The following ANK1 variants were observed in gnomAD, a reference collection of about 807,000 sequenced individuals.
ANK1 encodes ankyrin-1.
Under a neutral mutation model 210.4 loss-of-function variants are expected in ANK1, and 51 were observed. The ratio of observed to expected loss-of-function variants is 0.24; its 90% CI spans 0.19 to 0.31. The LOEUF (loss-of-function observed/expected upper bound fraction) is 0.31, where lower values mean the gene tolerates loss of function less well. Ranked by LOEUF, ANK1 falls within the 10% of genes least tolerant of loss-of-function variation. ANK1 has a pLI of 1.00. For synonymous variants in ANK1, 967 were observed against 1,025.9 expected, an observed-to-expected ratio of 0.94 and a Z score of 1.10; for missense variants, 2,051 against 2,504.4, an observed-to-expected ratio of 0.82 and a Z score of 3.86.
At chr8:41,887,623 CACATGACAA>C (rs1465506687) in intron 1 of ANK1, among the ~76,000 whole-genome samples, 1 of 152,156 alleles carries the variant, frequency 6.6e-6, no homozygotes, top group African/African-American at 2.4e-5. Flanking sequence ...CCCGGAAACA[CACATGACAA>C]AGATGACCAC....
intron 2 of ANK1, among the ~76,000 whole-genome samples, chr8:41,748,130 TA>T (rs1275273571): frequency 5.9e-5 from 9 of 152,172 alleles, no homozygotes; most frequent in African/African-American, 2.2e-4. Flanking sequence ...GTGCCAGGCA[TA>T]GGGGCACCTA....
At chr8:41,754,419 C>A (rs1838561758) in intron 2 of ANK1, among the ~76,000 whole-genome samples, 1 of 152,196 alleles carries the variant, frequency 6.6e-6, no homozygotes, top group African/African-American at 2.4e-5. Context: ...ATTCAGACAT[C>A]TCTTATATAA....
intron 33 of ANK1, among the ~76,000 whole-genome samples, chr8:41,689,124 C>CT (rs770050874): frequency 4.6e-5 from 7 of 151,436 alleles, no homozygotes; most frequent in Admixed American, 1.3e-4. Flanking sequence ...TTCTCTCTCT[C>CT]TTTTTTTTTA....
At chr8:41,708,383 T>G (rs577147315) in intron 17 of ANK1, among the ~76,000 whole-genome samples, 2 of 152,314 alleles carry the variant, frequency 1.3e-5, no homozygotes, top group African/African-American at 4.8e-5. Flanking sequence ...TATAGGTCAG[T>G]GTTTTTAAAA....
rs141792052 is a variant in ANK1 at position 41,726,290 on chromosome 8, G to A, written c.427-344C>T. On this transcript the variant is annotated intron_variant, in intron 5 of 42. Coordinates refer to ENST00000289734, the MANE Select transcript of ANK1 (RefSeq NM_000037.4). ...GCTCTCTTTCTCACCCCATCTGCTG[G>A]TACCAGGATAGTGCCTTGACAAGGC... is the stretch of plus-strand genomic sequence containing the variant. Among the ~76,000 whole-genome samples the A allele has an allele frequency of 1.8e-3, 269 of 152,214 alleles. 1 individual carries two copies. Among genetic ancestry groups the A allele is most frequent in the Non-Finnish European group, 2.9e-3 (200 of 67,996 alleles).
chr8:41,668,134 GCAC>G, intron 39 of ANK1, 130 bp downstream of exon 39: 1 of 1,301,072 alleles, frequency 7.7e-7, no homozygotes, highest in Admixed American at 1.8e-5. Flanking sequence ...AGAAACGGAA[GCAC>G]CACCACAAGT....
chr8:41,663,792 G>T, intron 39 of ANK1, 50 bp from the exon 40 acceptor site: 1 of 1,455,300 alleles, frequency 6.9e-7, no homozygotes, highest in Non-Finnish European at 9.7e-7. Context: ...TGGGAGTCTG[G>T]GAGGAAGGGT....
chr8:41,860,436 G>A (rs1813069248), intron 1 of ANK1, among the ~76,000 whole-genome samples: 1 of 152,118 alleles, frequency 6.6e-6, no homozygotes, highest in African/African-American at 2.4e-5. Flanking sequence ...TAACATCCTT[G>A]GTAAACACAC....
At chr8:41,683,082 ACACACACACATG>A (rs1404470528) in intron 37 of ANK1, among the ~76,000 whole-genome samples, 2 of 152,092 alleles carry the variant, frequency 1.3e-5, no homozygotes, top group African/African-American at 4.8e-5. Flanking sequence ...ACACGTGCAC[ACACACACACATG>A]CACGCACACA....
intron 26 of ANK1, 36 bp from the exon 27 acceptor site, chr8:41,695,367 C>T: frequency 6.2e-7 from 1 of 1,613,062 alleles, no homozygotes; most frequent in Non-Finnish European, 8.5e-7. Flanking sequence ...GGGAGGTGCT[C>T]ATACAAGGCA....
At chr8:41,664,628 G>T (rs923234016) in intron 39 of ANK1, among the ~76,000 whole-genome samples, 1 of 152,076 alleles carries the variant, frequency 6.6e-6, no homozygotes, top group Non-Finnish European at 1.5e-5. Flanking sequence ...GGCAGGTTCT[G>T]GTGGGCGCAC....
Position 41,836,807 on chromosome 8 carries a change from C to A in ANK1, c.126+59548G>T, listed in dbSNP as rs760805169. 2.2e-4 allele frequency among the ~76,000 whole-genome samples: 33 copies of A among 152,062 alleles called. 1 individual carries two copies. Among genetic ancestry groups the A allele is most frequent in the Admixed American group, 1.2e-3 (18 of 15,276 alleles). Reference sequence around the variant, plus strand: ...TAGTGGCACACACCTGTAATCCCAGCCACTCAAGAGGCTGAGGCAGGAGGA... The same window carrying A: ...TAGTGGCACACACCTGTAATCCCAGACACTCAAGAGGCTGAGGCAGGAGGA... On this transcript the variant is annotated intron_variant, in intron 1 of 42. Transcript: ENST00000265709.
At chr8:41,776,883 G>A (rs768028414) in intron 1 of ANK1, among the ~76,000 whole-genome samples, 3 of 152,146 alleles carry the variant, frequency 2.0e-5, no homozygotes, top group Non-Finnish European at 2.9e-5. Flanking sequence ...GTCAGCCCTC[G>A]ACTTCCTAGT....
chr8:41,800,220 A>G (rs1271029871), upstream of ANK1, among the ~76,000 whole-genome samples: 1 of 152,164 alleles, frequency 6.6e-6, no homozygotes. Flanking sequence ...AAACATATAT[A>G]TAGTGCTTTC....
chr8:41,844,519 C>A (rs1809641672), intron 1 of ANK1, among the ~76,000 whole-genome samples: 1 of 152,126 alleles, frequency 6.6e-6, no homozygotes, highest in Non-Finnish European at 1.5e-5. Context: ...ACCACACACC[C>A]CCCACACACA....
intron 6 of ANK1, 58 bp downstream of exon 6, chr8:41,725,703 G>GC: frequency 6.4e-7 from 1 of 1,569,402 alleles, no homozygotes; most frequent in Non-Finnish European, 8.6e-7. Flanking sequence ...CGTGCGCGGT[G>GC]CCCCCTGAGC....
intron 1 of ANK1, among the ~76,000 whole-genome samples, chr8:41,818,735 C>G (rs1172963064): frequency 6.6e-6 from 1 of 152,058 alleles, no homozygotes; most frequent in Non-Finnish European, 1.5e-5. Context: ...CCTCCTGCCT[C>G]TGCCTCCCTA....
chr8:41,871,919 A>G (rs1815584504), intron 1 of ANK1, among the ~76,000 whole-genome samples: 1 of 152,118 alleles, frequency 6.6e-6, no homozygotes, highest in African/African-American at 2.4e-5. Flanking sequence ...CCTCCCAGGG[A>G]TCTTGGCTGG....
intron 3 of ANK1, among the ~76,000 whole-genome samples, chr8:41,732,786 T>C (rs1040914304): frequency 2.0e-5 from 3 of 151,976 alleles, no homozygotes; most frequent in Admixed American, 1.3e-4. Flanking sequence ...TAGAGTGCAG[T>C]GGTGCAGTCA....
Sources: gnomAD v4.1 joint callset for allele counts (sites outside exome capture counted in the v4.1 genomes callset) on GRCh38, gnomAD v4.1.1 for gene constraint, MANE v1.5 for transcripts, NCBI Gene and HGNC (gene_info 2026-07-23, HGNC 2026-07-21) for gene names.